The following TRDN variants were observed in gnomAD, a reference collection of about 807,000 sequenced individuals.
The protein encoded by TRDN is triadin in skeletal muscle.
A neutral mutation model predicts 149.7 loss-of-function variants in TRDN; 161 were observed. That is an observed-to-expected ratio of 1.08 (90% CI 0.95 to 1.23). The LOEUF (loss-of-function observed/expected upper bound fraction) is 1.23, where lower values mean the gene tolerates loss of function less well. TRDN is among the 50% of genes most tolerant of loss of function. The pLI, the probability that TRDN is intolerant of heterozygous loss-of-function variation, is 0.00. For synonymous variants in TRDN, 294 were observed against 250.5 expected, an observed-to-expected ratio of 1.17 and a Z score of -1.64; for missense variants, 896 against 823.5, an observed-to-expected ratio of 1.09 and a Z score of -1.08.
intron 24 of TRDN, among the ~76,000 whole-genome samples, chr6:123,288,870 C>A (rs1210227121): frequency 6.6e-6 from 1 of 151,788 alleles, no homozygotes; most frequent in African/African-American, 2.4e-5. Flanking sequence ...AGCTAGTTTA[C>A]AGCAATTTCA....
intron 1 of TRDN, among the ~76,000 whole-genome samples, chr6:123,602,943 T>A (rs552335958): frequency 4.3e-5 from 6 of 138,050 alleles, no homozygotes; most frequent in African/African-American, 2.1e-4. Flanking sequence ...TAAAAAAAAA[T>A]CAGTATGTGA....
At chr6:123,526,940 G>T (rs1019297795) in intron 5 of TRDN, among the ~76,000 whole-genome samples, 2 of 151,926 alleles carry the variant, frequency 1.3e-5, no homozygotes, top group Admixed American at 1.3e-4. Context: ...TTTAAAATTA[G>T]TCAATAATTA....
chr6:123,267,020 T>C (rs1777032381), intron 32 of TRDN, among the ~76,000 whole-genome samples: 1 of 133,604 alleles, frequency 7.5e-6, no homozygotes, highest in Admixed American at 8.9e-5. Context: ...GGTAGGAGAA[T>C]GGTGTGAACC....
At chr6:123,246,951 T>C (rs1378084956) in intron 38 of TRDN, among the ~76,000 whole-genome samples, 1 of 152,068 alleles carries the variant, frequency 6.6e-6, no homozygotes, top group Non-Finnish European at 1.5e-5. Flanking sequence ...GTTCAACATG[T>C]GCAAATTAAT....
intron 1 of TRDN, among the ~76,000 whole-genome samples, chr6:123,606,982 C>G (rs573481326): frequency 6.6e-6 from 1 of 152,188 alleles, no homozygotes; most frequent in South Asian, 2.1e-4. Context: ...GGAGTCCCCC[C>G]ACACATTGAT....
intron 35 of TRDN, among the ~76,000 whole-genome samples, chr6:123,257,315 A>G (rs1406339409): frequency 1.3e-5 from 2 of 152,110 alleles, no homozygotes; most frequent in East Asian, 1.9e-4. Flanking sequence ...TAATTTTTGT[A>G]TAAGGCATAA....
intron 1 of TRDN, among the ~76,000 whole-genome samples, chr6:123,631,438 T>C (rs79076819): frequency 0.064 from 9,740 of 152,036 alleles, 997 homozygotes; most frequent in African/African-American, 0.22. Flanking sequence ...ACCAATAATA[T>C]GAAACTAACC....
chr6:123,587,450 T>G (rs9490819), intron 1 of TRDN, among the ~76,000 whole-genome samples: 45,466 of 151,724 alleles, frequency 0.3, 7,270 homozygotes, highest in East Asian at 0.54. Context: ...GTAAGAAGAG[T>G]CTGCTTACCC....
chr6:123,346,189 T>C (rs1451491021), intron 21 of TRDN, among the ~76,000 whole-genome samples: 2 of 152,022 alleles, frequency 1.3e-5, no homozygotes, highest in African/African-American at 2.4e-5. Context: ...TTACCAAGTT[T>C]AAGAATTTTC....
chr6:123,364,244 G>T (rs542286717), intron 20 of TRDN, among the ~76,000 whole-genome samples: 1 of 152,188 alleles, frequency 6.6e-6, no homozygotes, highest in Non-Finnish European at 1.5e-5. Flanking sequence ...GATGCAGAGC[G>T]CAGAGTCTAT....
chr6:123,366,170 G>A lies in TRDN; in HGVS notation c.1286C>T (p.Ala429Val). ...TGAAACCGCACCAATCTCCTCTTTG[G>A]CTCGTTCAGTTTCTGCAAGTTCAGA... Reference protein sequence around the residue: ...DKQVKAKTERAKEEIGAVSIK... With the variant: ...DKQVKAKTERVKEEIGAVSIK... Residue 429 changes from alanine (A) to valine (V), a missense_variant, in exon 20 of 41, where the codon GCC becomes GTC. Transcript: ENST00000334268. The A allele has an allele frequency of 6.2e-7, 1 of 1,612,592 alleles. No individual in the cohort carries two copies. The highest frequency in any genetic ancestry group is 1.1e-5 in the South Asian group (1 of 90,976).
At chr6:123,301,752 CATATATATATATATAT>C (rs776895792) in intron 24 of TRDN, among the ~76,000 whole-genome samples, 12 of 77,070 alleles carry the variant, frequency 1.6e-4, no homozygotes, top group African/African-American at 5.3e-4. Flanking sequence ...TATATATATA[CATATATATATATATAT>C]ACATATATAT....
intron 12 of TRDN, among the ~76,000 whole-genome samples, chr6:123,436,301 G>A (rs1330111543): frequency 1.3e-5 from 2 of 152,012 alleles, no homozygotes; most frequent in Non-Finnish European, 2.9e-5. Flanking sequence ...AAATAAGAAA[G>A]TTTTAAAAGA....
Position 123,260,642 on chromosome 6 carries a change from T to TATAAA in TRDN, c.1805-5_1805-4insTTTAT. On this transcript the variant is annotated splice_polypyrimidine_tract_variant and splice_region_variant and intron_variant, in intron 33 of 40. Coordinates refer to ENST00000334268, the MANE Select transcript of TRDN (RefSeq NM_006073.4). ...TCTGTGACTTCTGATGTTCCTTCTT[T>TATAAA]AGAAAAAAAAAAAAAAAGAATGTAG... The TATAAA allele has an allele frequency of 1.1e-6, 1 of 916,348 alleles. No individual in the cohort carries two copies. Among genetic ancestry groups the TATAAA allele is most frequent in the Non-Finnish European group, 1.4e-6 (1 of 730,698 alleles). 56.8% of individuals were successfully genotyped at this position (916,348 alleles called of 1,614,324 possible).
chr6:123,456,257 C>T (rs535541335), intron 10 of TRDN, among the ~76,000 whole-genome samples: 19 of 152,040 alleles, frequency 1.2e-4, no homozygotes, highest in Admixed American at 7.9e-4. Context: ...AAGCAAGTGC[C>T]CATATAAAGA....
intron 12 of TRDN, among the ~76,000 whole-genome samples, chr6:123,405,669 T>C (rs1019251632): frequency 4.6e-5 from 7 of 152,068 alleles, no homozygotes; most frequent in African/African-American, 1.7e-4. Context: ...GACCAAAAAG[T>C]TTAGTAATTC....
chr6:123,216,442 A>C lies in TRDN; in HGVS notation c.*2159T>G, dbSNP rs535468019. On this transcript the variant is annotated 3_prime_UTR_variant, in exon 41 of 41. Coordinates refer to ENST00000334268, the MANE Select transcript of TRDN (RefSeq NM_006073.4). ...GATCATTGTAACTTTAATCAGATAA[A>C]ACGTAATTATTATTAACATTTTTAC... 6.2e-4 allele frequency: 94 copies of C among 152,096 alleles called. 1 individual carries two copies. The highest frequency in any genetic ancestry group is 2.2e-3 in the African/African-American group (92 of 41,550). The allele number at this position is 152,096 out of a possible 1,614,324, so 9.4% of individuals were successfully genotyped here.
At chr6:123,248,595 A>C (rs1465155200) in intron 38 of TRDN, among the ~76,000 whole-genome samples, 1 of 152,002 alleles carries the variant, frequency 6.6e-6, no homozygotes, top group Non-Finnish European at 1.5e-5. Flanking sequence ...TTATATGCAC[A>C]ACTACATGCT....
intron 12 of TRDN, among the ~76,000 whole-genome samples, chr6:123,408,678 C>CA (rs577824087): frequency 0.034 from 4,590 of 134,706 alleles, 186 homozygotes; most frequent in African/African-American, 0.096. Context: ...GACTTTTTCT[C>CA]AAAAAAAAAA....
Sources: allele counts gnomAD v4.1 joint callset (sites outside exome capture counted in the v4.1 genomes callset), GRCh38; gene constraint gnomAD v4.1.1; transcripts MANE v1.5; gene names NCBI Gene and HGNC (gene_info 2026-07-23, HGNC 2026-07-21).